Variants in ARRDC5 observed in about 807,000 individuals in gnomAD.
The protein encoded by ARRDC5 is arrestin domain-containing protein 5.
Under a neutral mutation model 13.3 loss-of-function variants are expected in ARRDC5, and 12 were observed. The ratio of observed to expected loss-of-function variants is 0.90; its 90% confidence interval spans 0.58 to 1.46. The LOEUF is 1.46. Among genes scored for constraint, ARRDC5 ranks in the 40% most tolerant of loss-of-function variants. The pLI is 0.00. For synonymous variants in ARRDC5, 181 were observed against 173.4 expected, an observed-to-expected ratio of 1.04 and a Z score of -0.34; for missense variants, 406 against 418.7, an observed-to-expected ratio of 0.97 and a Z score of 0.26.
chr19:4,911,614 G>A, the ARRDC5 span, among the ~76,000 whole-genome samples: 1 of 152,160 alleles, frequency 6.6e-6, no homozygotes, highest in African/African-American at 2.4e-5. Flanking sequence ...TGGTCCCCGA[G>A]GGGTCCACCG....
At chr19:4,909,907 G>T in the ARRDC5 span, among the ~76,000 whole-genome samples, 1 of 151,340 alleles carries the variant, frequency 6.6e-6, no homozygotes, top group African/African-American at 2.4e-5. Context: ...AGGGCCTGGC[G>T]AGCCGCCGGG....
Position 4,893,969 on chromosome 19 carries a change from ACC to A in ARRDC5, c.460-2398_460-2397del, listed in dbSNP as rs550619036. Among the ~76,000 whole-genome samples, 26 of 150,530 alleles carry A rather than the reference ACC, an allele frequency of 1.7e-4. No individual in the cohort carries two copies. In the South Asian group the frequency reaches 5.5e-3, roughly 32 times the overall value. The stretch of plus-strand genomic sequence containing the variant: ...AGGCTGAGGCAGGAGAATGGCGTGA[ACC>A]CAGGAGGCAGAGGTTACAGTGAGCC... On this transcript the variant is annotated intron_variant, in intron 2 of 2. Coordinates refer to ENST00000650722, the MANE Select transcript of ARRDC5 (RefSeq NM_001080523.3).
chr19:4,905,117 T>C (rs1174681768), upstream of ARRDC5, among the ~76,000 whole-genome samples: 4 of 139,724 alleles, frequency 2.9e-5, no homozygotes, highest in East Asian at 2.0e-4. Flanking sequence ...TCTTTTTTTT[T>C]TTTTTTTTTT....
At chr19:4,909,275 C>A in the ARRDC5 span, 1 of 528,468 alleles carries the variant, frequency 1.9e-6, no homozygotes, top group Non-Finnish European at 3.3e-6. Context: ...CCAGGCCCTG[C>A]CACGCAGCCC....
At chr19:4,913,550 C>T in the ARRDC5 span, among the ~76,000 whole-genome samples, 1 of 152,022 alleles carries the variant, frequency 6.6e-6, no homozygotes, top group South Asian at 2.1e-4. Context: ...CCACTGCACC[C>T]AGCCACGTAC....
At chr19:4,902,486 A>G (rs1349087757) in intron 1 of ARRDC5, 87 bp downstream of exon 1, 5 of 1,300,894 alleles carry the variant, frequency 3.8e-6, no homozygotes, top group African/African-American at 1.5e-5. Context: ...ATAGCCCTAG[A>G]GTTTTGTTGA....
chr19:4,901,662 ATAAAT>A (rs79731037), intron 1 of ARRDC5, among the ~76,000 whole-genome samples: 54 of 152,238 alleles, frequency 3.5e-4, no homozygotes, highest in Non-Finnish European at 7.2e-4. Flanking sequence ...AAATACAGAA[ATAAAT>A]TAAATTAAAT....
At chr19:4,896,032 TG>T (rs1246263385) in intron 2 of ARRDC5, among the ~76,000 whole-genome samples, 1 of 152,072 alleles carries the variant, frequency 6.6e-6, no homozygotes, top group African/African-American at 2.4e-5. Flanking sequence ...AAAAAAATGT[TG>T]GCCTGGCATG....
In ARRDC5 at chr19:4,890,683, G is replaced by A. The variant is rs777733107; in HGVS notation, c.*363C>T. 2 of 257,554 alleles carry A rather than the reference G, an allele frequency of 7.8e-6. No homozygotes were observed. The highest frequency in any genetic ancestry group is 5.2e-5 in the South Asian group (1 of 19,258). 16.0% of individuals were successfully genotyped at this position (257,554 alleles called of 1,614,324 possible). ...CACGCCAATAAGACTCTTCTCCCCC[G>A]ATCCCCTGCAGTTGTGACAGCCAAT... On this transcript the variant is annotated 3_prime_UTR_variant, in exon 3 of 3. Coordinates refer to ENST00000650722, the MANE Select transcript of ARRDC5 (RefSeq NM_001080523.3).
At chr19:4,893,803 G>A (rs2031600222) in intron 2 of ARRDC5, among the ~76,000 whole-genome samples, 1 of 150,852 alleles carries the variant, frequency 6.6e-6, no homozygotes, top group South Asian at 2.1e-4. Flanking sequence ...AGCACTTTGG[G>A]AGGCCGAGGT....
the ARRDC5 span, among the ~76,000 whole-genome samples, chr19:4,912,555 C>T: frequency 6.6e-6 from 1 of 152,122 alleles, no homozygotes; most frequent in Non-Finnish European, 1.5e-5. Context: ...CCTAGACACA[C>T]CTGCCATGTA....
the ARRDC5 span, among the ~76,000 whole-genome samples, chr19:4,914,545 G>A: frequency 3.3e-5 from 5 of 152,118 alleles, no homozygotes; most frequent in Admixed American, 3.3e-4. Flanking sequence ...TAGGGTGACA[G>A]TGATGTCACT....
upstream of ARRDC5, among the ~76,000 whole-genome samples, chr19:4,906,122 G>A (rs1329589933): frequency 6.6e-6 from 1 of 152,046 alleles, no homozygotes; most frequent in Non-Finnish European, 1.5e-5. Flanking sequence ...GACTACAGGT[G>A]CACACCACCA....
chr19:4,913,828 TTGG>T, the ARRDC5 span, among the ~76,000 whole-genome samples: 8 of 125,232 alleles, frequency 6.4e-5, no homozygotes, highest in African/African-American at 3.0e-4. Context: ...TTTTTTTTTT[TTGG>T]AGACAGTTTC....
At position 4,898,420 on chromosome 19, in the gene ARRDC5, G is replaced by GGC. The variant is rs1332377399; in HGVS notation, c.254-1546_254-1545dup. The stretch of plus-strand genomic sequence containing the variant: ...TCTGTCACCCAGGCTGGAGTGCAGT[G>GGC]GCGTGATCCTGGCTCACTGCAACCT... On this transcript the variant is annotated intron_variant, in intron 1 of 2. Coordinates refer to ENST00000650722, the MANE Select transcript of ARRDC5 (RefSeq NM_001080523.3). Among the ~76,000 whole-genome samples, 7 of 152,050 alleles carry GGC rather than the reference G, an allele frequency of 4.6e-5. No individual in the cohort carries two copies. In the East Asian group the frequency reaches 1.4e-3, roughly 30 times the overall value.
chr19:4,902,689 C>T lies in ARRDC5; in HGVS notation c.137G>A (p.Gly46Glu). ...TTCACTCCATTCGACGTAACCCCTT[C>T]CCACGAGCTCCACCTTCACTATGGG... ...VDPIVKVELVGRGYVEWSEEA... is the reference protein window; with the variant it reads ...VDPIVKVELVERGYVEWSEEA... The change falls in exon 1 of 3, where the codon GGA becomes GAA. Residue 46 changes from glycine to glutamate, a missense_variant. Physicochemically the swap from Gly to Glu is moderately conservative, Grantham distance 98. Transcript: ENST00000650722. The T allele has an allele frequency of 6.2e-7, 1 of 1,614,052 alleles. No individual in the cohort carries two copies. The highest frequency in any genetic ancestry group is 8.5e-7 in the Non-Finnish European group (1 of 1,179,904).
the ARRDC5 span, chr19:4,909,512 C>T: frequency 4.6e-6 from 3 of 657,774 alleles, no homozygotes; most frequent in African/African-American, 3.8e-5. Flanking sequence ...GAGCAGCTGG[C>T]AGCGCGGCGG....
At chr19:4,895,598 G>C (rs1042969429) in intron 2 of ARRDC5, among the ~76,000 whole-genome samples, 1 of 151,996 alleles carries the variant, frequency 6.6e-6, no homozygotes, top group African/African-American at 2.4e-5. Flanking sequence ...ACCTGGACTC[G>C]GGAAGGGATC....
At chr19:4,916,181 C>T in the ARRDC5 span, among the ~76,000 whole-genome samples, 1 of 152,014 alleles carries the variant, frequency 6.6e-6, no homozygotes, top group African/African-American at 2.4e-5. Context: ...TGGCGCATGC[C>T]TGTAGTCCTA....
Sources: allele counts gnomAD v4.1 joint callset (sites outside exome capture counted in the v4.1 genomes callset), GRCh38; gene constraint gnomAD v4.1.1; transcripts MANE v1.5; gene names NCBI Gene and HGNC (gene_info 2026-07-23, HGNC 2026-07-21).